Variants in SPTAN1 observed in about 807,000 individuals in gnomAD.
SPTAN1 encodes the protein spectrin alpha chain, non-erythrocytic 1.
In SPTAN1, 61 loss-of-function variants were observed where a neutral mutation model predicts 331.3. The ratio of observed to expected loss-of-function variants is 0.18; its 90% CI spans 0.15 to 0.23. The LOEUF is 0.23. Ranked by LOEUF, SPTAN1 falls within the 10% of genes least tolerant of loss-of-function variation. The pLI is 1.00. For missense variants in SPTAN1, 2,043 were observed against 3,147.9 expected, an observed-to-expected ratio of 0.65 and a Z score of 8.40; for synonymous variants, 1,153 against 1,173.9, an observed-to-expected ratio of 0.98 and a Z score of 0.36.
rs142120579 is a variant in SPTAN1, at chr9:128,574,702, T to C, written c.391T>C (p.Trp131Arg). 76 of 1,614,132 alleles carry C rather than the reference T, an allele frequency of 4.7e-5. No individual in the cohort carries two copies. Among genetic ancestry groups the C allele is most frequent in the Non-Finnish European group, 5.8e-5 (69 of 1,180,024 alleles). Residue 131 changes from tryptophan (W) to arginine (R), a missense_variant, in exon 4 of 57, where the codon TGG becomes CGG. Trp to Arg is a moderately radical substitution (Grantham distance 101). Around this residue, in one of 12 missense-constraint regions of SPTAN1, gnomAD observed 1,038 missense variants for 1,531.5 expected, o/e 0.68. Coordinates refer to ENST00000372739, the MANE Select transcript of SPTAN1 (RefSeq NM_001130438.3). ...CCGTTTGATGGAGCTGCACCGCCAG[T>C]GGGAATTACTTTTGGAGAAGATGCG... ...RTRLMELHRQ[W>R]ELLLEKMREK...
chr9:128,601,585 G>C (rs986421831), intron 27 of SPTAN1, among the ~76,000 whole-genome samples: 5 of 151,998 alleles, frequency 3.3e-5, no homozygotes, highest in African/African-American at 1.2e-4. Context: ...GTTTTAAAAA[G>C]AAGAAGAAAA....
chr9:128,617,040 C>G (rs998888777), intron 41 of SPTAN1, among the ~76,000 whole-genome samples: 1 of 152,014 alleles, frequency 6.6e-6, no homozygotes, highest in Admixed American at 6.6e-5. Context: ...GAGTTTGAGA[C>G]CAGCCTGGGC....
chr9:128,616,709 A>G (rs1377172883), intron 41 of SPTAN1, among the ~76,000 whole-genome samples: 7 of 150,070 alleles, frequency 4.7e-5, no homozygotes, highest in South Asian at 2.1e-4. Flanking sequence ...GGAGGTTGCA[A>G]TGAGCCAAGA....
At chr9:128,619,136 G>T (rs1308860723) in intron 44 of SPTAN1, 133 bp downstream of exon 44, 20 of 1,365,864 alleles carry the variant, frequency 1.5e-5, no homozygotes, top group Middle Eastern at 2.5e-4. Flanking sequence ...CAAGGCCTCA[G>T]TAGTTGGTTT....
intron 38 of SPTAN1, 71 bp downstream of exon 38, chr9:128,611,916 T>C: frequency 3.1e-6 from 5 of 1,611,628 alleles, no homozygotes; most frequent in Non-Finnish European, 3.4e-6. Context: ...ATATAATAAC[T>C]TGGACATACA....
chr9:128,574,292 A>T (rs1210354278), intron 3 of SPTAN1, among the ~76,000 whole-genome samples: 2 of 149,384 alleles, frequency 1.3e-5, no homozygotes, highest in East Asian at 3.9e-4. Context: ...TCAATTGTGT[A>T]CCTATTATTA....
At chr9:128,558,607 A>G (rs947665896) in intron 1 of SPTAN1, among the ~76,000 whole-genome samples, 2 of 152,152 alleles carry the variant, frequency 1.3e-5, no homozygotes, top group Non-Finnish European at 2.9e-5. Context: ...TTTGTTTTTT[A>G]ATGGCACGTT....
intron 17 of SPTAN1, 23 bp downstream of exon 17, chr9:128,584,548 G>C: frequency 6.2e-7 from 1 of 1,614,074 alleles, no homozygotes; most frequent in Non-Finnish European, 8.5e-7. Context: ...CCCTCAGGTA[G>C]GAATCAACTT....
intron 11 of SPTAN1, among the ~76,000 whole-genome samples, chr9:128,581,474 C>CAAAAAAAAAA (rs11429372): frequency 1.5e-5 from 2 of 133,588 alleles, no homozygotes; most frequent in Non-Finnish European, 1.6e-5. Context: ...TCCTGTCTCA[C>CAAAAAAAAAA]AAAAAAAAAA....
chr9:128,562,983 C>CATAT (rs1849565252), intron 1 of SPTAN1, among the ~76,000 whole-genome samples: 1 of 120,802 alleles, frequency 8.3e-6, no homozygotes, highest in African/African-American at 3.6e-5. Flanking sequence ...TATATATATA[C>CATAT]ATGTATGTGT....
At chr9:128,562,864 C>T (rs1447245195) in intron 1 of SPTAN1, among the ~76,000 whole-genome samples, 1 of 151,460 alleles carries the variant, frequency 6.6e-6, no homozygotes, top group African/African-American at 2.4e-5. Context: ...ACTCAGGAGG[C>T]TGAGGCAGGA....
Position 128,552,695 on chromosome 9 carries a change from C to A in SPTAN1, c.-5C>A, listed in dbSNP as rs1215490173. The A allele has an allele frequency of 6.6e-6, 1 of 151,974 alleles. No homozygotes were observed. The highest frequency in any genetic ancestry group is 2.4e-5 in the African/African-American group (1 of 41,360). 9.4% of individuals were successfully genotyped at this position (151,974 alleles called of 1,614,324 possible). Reference sequence around the variant, plus strand: ...CCCACGCCCCTCACCCCCCGAGAGCCGGTGAGAGGGGCAGCCGGGGAGCTC... The same window carrying A: ...CCCACGCCCCTCACCCCCCGAGAGCAGGTGAGAGGGGCAGCCGGGGAGCTC... On this transcript the variant is annotated splice_region_variant and 5_prime_UTR_variant, in exon 1 of 57. Coordinates refer to ENST00000372739, the MANE Select transcript of SPTAN1 (RefSeq NM_001130438.3). This position sits in a 1 kb window ranked among gnomAD's most constrained non-coding sequence, Gnocchi z 4.6.
At chr9:128,626,023 G>A in intron 48 of SPTAN1, 45 bp downstream of exon 48, 1 of 1,606,874 alleles carries the variant, frequency 6.2e-7, no homozygotes, top group Non-Finnish European at 8.5e-7. Flanking sequence ...ACAGCTCAAG[G>A]AAGGACGCCC....
At chr9:128,611,936 C>T in intron 38 of SPTAN1, 91 bp downstream of exon 38, 1 of 1,606,194 alleles carries the variant, frequency 6.2e-7, no homozygotes, top group Non-Finnish European at 8.5e-7. Flanking sequence ...AGTCTTAAGA[C>T]ACTAAATGGA....
intron 23 of SPTAN1, 194 bp from the exon 24 acceptor site, chr9:128,593,981 C>A: frequency 1.6e-6 from 1 of 644,242 alleles, no homozygotes; most frequent in Non-Finnish European, 2.8e-6. Context: ...ACAGTGTGCG[C>A]ATATCTCTCA....
At chr9:128,609,811 C>A in intron 37 of SPTAN1, 146 bp downstream of exon 37, 1 of 565,964 alleles carries the variant, frequency 1.8e-6, no homozygotes, top group Non-Finnish European at 3.0e-6. Flanking sequence ...CCATTACACT[C>A]CATTCAAGTG....
At chr9:128,580,309 ATATG>A (rs1432984728) in intron 10 of SPTAN1, among the ~76,000 whole-genome samples, 1 of 150,540 alleles carries the variant, frequency 6.6e-6, no homozygotes, top group Non-Finnish European at 1.5e-5. Context: ...TAAAAATAAA[ATATG>A]TATATATATA....
intron 9 of SPTAN1, 83 bp from the exon 10 acceptor site, chr9:128,579,554 A>C (rs1851697107): frequency 9.5e-7 from 1 of 1,056,250 alleles, no homozygotes; most frequent in Admixed American, 1.8e-5. Context: ...TCTGGCTTAT[A>C]ATGCTTATGT....
At chr9:128,617,432 C>T (rs1381990021) in intron 41 of SPTAN1, among the ~76,000 whole-genome samples, 1 of 152,134 alleles carries the variant, frequency 6.6e-6, no homozygotes, top group Non-Finnish European at 1.5e-5. Flanking sequence ...AATCCGGACA[C>T]ACAGCAGGGC....
Sources: allele counts gnomAD v4.1 joint callset (sites outside exome capture counted in the v4.1 genomes callset), GRCh38; gene constraint gnomAD v4.1.1; regional missense constraint gnomAD v4.1.1; non-coding constraint Gnocchi (gnomAD v3.1); transcripts MANE v1.5; gene names NCBI Gene and HGNC (gene_info 2026-07-23, HGNC 2026-07-21).